Variants in AK4 observed in about 807,000 individuals in gnomAD.
AK4 encodes adenylate kinase 4, mitochondrial.
Under a neutral mutation model 24.6 loss-of-function variants are expected in AK4, and 13 were observed. The observed-to-expected ratio is 0.53, with a 90% CI of 0.34 to 0.84. The LOEUF is 0.84. Ranked by LOEUF, AK4 falls within the 40% of genes least tolerant of loss-of-function variation. The pLI is 0.01. For synonymous variants in AK4, 88 were observed against 107.0 expected, an observed-to-expected ratio of 0.82 and a Z score of 1.10; for missense variants, 192 against 288.2, an observed-to-expected ratio of 0.67 and a Z score of 2.42.
At chr1:65,202,257 C>T (rs1042989182) in intron 2 of AK4, among the ~76,000 whole-genome samples, 4 of 151,930 alleles carry the variant, frequency 2.6e-5, no homozygotes, top group Non-Finnish European at 5.9e-5. Context: ...ATTAGCCGGG[C>T]GTGGTTGCAG....
At chr1:65,202,584 C>T (rs1282990626) in intron 2 of AK4, among the ~76,000 whole-genome samples, 1 of 152,074 alleles carries the variant, frequency 6.6e-6, no homozygotes, top group African/African-American at 2.4e-5. Flanking sequence ...GGATGAAATA[C>T]TTCAACTCCT....
chr1:65,175,399 C>G (rs1650679061), intron 1 of AK4, among the ~76,000 whole-genome samples: 2 of 152,212 alleles, frequency 1.3e-5, no homozygotes. Flanking sequence ...CAGTAGCAAT[C>G]CATCCTGTGT....
At chr1:65,215,279 C>G (rs1449645664) in intron 2 of AK4, among the ~76,000 whole-genome samples, 1 of 151,682 alleles carries the variant, frequency 6.6e-6, no homozygotes, top group Non-Finnish European at 1.5e-5. Context: ...TTCATTGATT[C>G]TCCTGCCTTA....
chr1:65,204,594 TATTA>T (rs1651760457), intron 2 of AK4, among the ~76,000 whole-genome samples: 1 of 152,220 alleles, frequency 6.6e-6, no homozygotes, highest in Non-Finnish European at 1.5e-5. Flanking sequence ...TCACCAAGGA[TATTA>T]ATTCCTGTGA....
At chr1:65,169,885 T>TTG (rs147403921) in intron 1 of AK4, among the ~76,000 whole-genome samples, 7,495 of 151,722 alleles carry the variant, frequency 0.049, 355 homozygotes, top group East Asian at 0.17. Flanking sequence ...TTGTTCGGTT[T>TTG]TGTGTGTGTG....
chr1:65,216,359 A>G (rs1387149556), intron 2 of AK4, among the ~76,000 whole-genome samples: 3 of 152,082 alleles, frequency 2.0e-5, no homozygotes, highest in Non-Finnish European at 4.4e-5. Context: ...CCTAGCCTCA[A>G]GTGATCCACC....
intron 1 of AK4, among the ~76,000 whole-genome samples, chr1:65,153,233 G>A (rs371980984): frequency 1.2e-4 from 18 of 152,302 alleles, no homozygotes; most frequent in African/African-American, 4.3e-4. Flanking sequence ...TTAGCCACAT[G>A]TACATCTGAA....
chr1:65,184,531 G>A (rs1651022045), intron 1 of AK4, among the ~76,000 whole-genome samples: 2 of 152,168 alleles, frequency 1.3e-5, no homozygotes, highest in South Asian at 2.1e-4. Flanking sequence ...TGAATTATTT[G>A]TGTGTGTGAT....
At chr1:65,182,708 T>A (rs1650951879) in intron 1 of AK4, among the ~76,000 whole-genome samples, 1 of 152,204 alleles carries the variant, frequency 6.6e-6, no homozygotes, top group African/African-American at 2.4e-5. Context: ...GTCAAGAAAC[T>A]AAGGTAACCT....
At chr1:65,163,350 TCA>T (rs1431441205) in intron 1 of AK4, among the ~76,000 whole-genome samples, 5 of 152,164 alleles carry the variant, frequency 3.3e-5, no homozygotes, top group Middle Eastern at 3.2e-3. Context: ...CACAGCAAAT[TCA>T]CAGAGACTCC....
At chr1:65,157,245 A>C (rs150023484) in intron 1 of AK4, among the ~76,000 whole-genome samples, 21 of 152,356 alleles carry the variant, frequency 1.4e-4, no homozygotes, top group Non-Finnish European at 1.6e-4. Context: ...TCATGGACTC[A>C]CAGGAGTCCT....
chr1:65,163,428 G>T (rs4916025), intron 1 of AK4, among the ~76,000 whole-genome samples: 42,052 of 152,128 alleles, frequency 0.28, 6,252 homozygotes, highest in East Asian at 0.57. Flanking sequence ...GAAATCGGAA[G>T]TGAGATACAG....
intron 1 of AK4, among the ~76,000 whole-genome samples, chr1:65,170,232 G>A (rs1570081776): frequency 6.6e-6 from 1 of 152,182 alleles, no homozygotes; most frequent in African/African-American, 2.4e-5. Flanking sequence ...CCCAGGTGCG[G>A]TGGCGGGCGC....
intron 2 of AK4, among the ~76,000 whole-genome samples, chr1:65,201,903 C>A: frequency 6.6e-6 from 1 of 151,992 alleles, no homozygotes; most frequent in Non-Finnish European, 1.5e-5. Context: ...GTTGGGTAAC[C>A]CTGGAGCTAA....
chr1:65,169,334 T>A (rs1650435983), intron 1 of AK4, among the ~76,000 whole-genome samples: 1 of 152,230 alleles, frequency 6.6e-6, no homozygotes, highest in East Asian at 1.9e-4. Flanking sequence ...CTGGATTTTT[T>A]AAATTCCAGA....
At chr1:65,195,419 A>T (rs1651436539) in intron 2 of AK4, among the ~76,000 whole-genome samples, 1 of 152,196 alleles carries the variant, frequency 6.6e-6, no homozygotes. Context: ...GCCACCACGT[A>T]ACAGTAATTT....
chr1:65,229,125 C>T lies in AK4; in HGVS notation c.*2948C>T, dbSNP rs1278712225. ...CTTCTGCTGCTGGTGACCAGTGTAG[C>T]CAGGACTCCAGCCCAGGTTTTCCTG... On this transcript the variant is annotated 3_prime_UTR_variant, in exon 5 of 5. Transcript: ENST00000327299. 5 of 152,128 alleles carry T rather than the reference C, an allele frequency of 3.3e-5. No individual in the cohort carries two copies. The highest frequency in any genetic ancestry group is 1.2e-4 in the African/African-American group (5 of 41,422). 9.4% of individuals were successfully genotyped at this position (152,128 alleles called of 1,614,324 possible).
chr1:65,209,881 C>A (rs1192876046), intron 2 of AK4, among the ~76,000 whole-genome samples: 1 of 152,038 alleles, frequency 6.6e-6, no homozygotes, highest in South Asian at 2.1e-4. Flanking sequence ...GAACATGGCT[C>A]ACTGCAGCCT....
intron 3 of AK4, among the ~76,000 whole-genome samples, chr1:65,223,553 T>C (rs1175642179): frequency 2.6e-5 from 4 of 152,128 alleles, no homozygotes; most frequent in East Asian, 1.9e-4. Flanking sequence ...CCCAAACTTA[T>C]AGTAAGTGTA....
Sources: allele counts gnomAD v4.1 joint callset (sites outside exome capture counted in the v4.1 genomes callset), GRCh38; gene constraint gnomAD v4.1.1; transcripts MANE v1.5; gene names NCBI Gene and HGNC (gene_info 2026-07-23, HGNC 2026-07-21).